Variants in MARK4 observed in about 807,000 individuals in gnomAD.
MARK4 encodes the protein MAP/microtubule affinity-regulating kinase 4.
In MARK4, 19 loss-of-function variants were observed where a neutral mutation model predicts 81.5. The ratio of observed to expected loss-of-function variants is 0.23; its 90% CI spans 0.16 to 0.34. The LOEUF is 0.34. MARK4 is among the 10% of genes least tolerant of loss of function. The probability of loss-of-function intolerance (pLI) is 1.00; values close to 1 mark genes in which losing one functional copy is unlikely to be tolerated. For missense variants in MARK4, 772 were observed against 1,058.8 expected, an observed-to-expected ratio of 0.73 and a Z score of 3.76; for synonymous variants, 436 against 439.0, an observed-to-expected ratio of 0.99 and a Z score of 0.08.
chr19:45,300,344 G>GAAAAAAAAAAAAAAA lies in MARK4; in HGVS notation c.1922+501_1922+515dup, dbSNP rs745730201. Among the ~76,000 whole-genome samples the GAAAAAAAAAAAAAAA allele has an allele frequency of 3.7e-4, 12 of 32,338 alleles. 1 individual carries two copies. Among genetic ancestry groups the GAAAAAAAAAAAAAAA allele is most frequent in the East Asian group, 1.9e-3 (1 of 524 alleles). The allele number at this position is 32,338 out of a possible 152,430, so 21.2% of individuals were successfully genotyped here. A position where few individuals can be genotyped will look rare whatever the true frequency, so the allele number is the denominator to read the frequency against. On this transcript the variant is annotated intron_variant, in intron 16 of 16. Coordinates refer to ENST00000262891, the MANE Select transcript of MARK4 (RefSeq NM_001199867.2). ...GGGTAGCAAGAGTGAAACTCCGTCT[G>GAAAAAAAAAAAAAAA]AAAAAAAAAAAAAAAAAAAAAAAAA...
At chr19:45,278,476 G>C in intron 9 of MARK4, 40 bp from the exon 10 acceptor site, 1 of 1,562,006 alleles carries the variant, frequency 6.4e-7, no homozygotes, top group Non-Finnish European at 8.8e-7. Context: ...GGTTCCTTCT[G>C]ACACCTGTCT....
chr19:45,297,048 CAAA>C (rs35511511), intron 14 of MARK4, among the ~76,000 whole-genome samples: 3 of 90,570 alleles, frequency 3.3e-5, no homozygotes, highest in Non-Finnish European at 4.6e-5. Flanking sequence ...GACTCTGTCT[CAAA>C]AAAAAAAAAA....
intron 2 of MARK4, among the ~76,000 whole-genome samples, chr19:45,260,620 C>G (rs1252952992): frequency 1.3e-5 from 2 of 152,056 alleles, no homozygotes; most frequent in Non-Finnish European, 2.9e-5. Flanking sequence ...TCACTGGAAC[C>G]CAGGAGGCGA....
intron 7 of MARK4, 39 bp downstream of exon 7, chr19:45,266,320 T>C: frequency 6.2e-7 from 1 of 1,600,142 alleles, no homozygotes; most frequent in Non-Finnish European, 8.6e-7. Context: ...GGACCACGGC[T>C]CAGCCCACAG....
Position 45,304,127 on chromosome 19 carries a change from A to G in MARK4, c.*1417A>G, listed in dbSNP as rs886164139. Reference sequence around the variant, plus strand: ...GTAGGTTTGATCCAGGCATCAGGCCATTGCATCTATTTTTTCAGTGTAAGT... The same window carrying G: ...GTAGGTTTGATCCAGGCATCAGGCCGTTGCATCTATTTTTTCAGTGTAAGT... On this transcript the variant is annotated 3_prime_UTR_variant, in exon 17 of 17. Transcript: ENST00000262891. The G allele has an allele frequency of 6.6e-6, 1 of 152,234 alleles. No homozygotes were observed. The highest frequency in any genetic ancestry group is 1.5e-5 in the Non-Finnish European group (1 of 68,040). 9.4% of individuals were successfully genotyped at this position (152,234 alleles called of 1,614,324 possible).
intron 13 of MARK4, among the ~76,000 whole-genome samples, chr19:45,290,884 G>A (rs1428495070): frequency 6.6e-6 from 1 of 152,198 alleles, no homozygotes; most frequent in Non-Finnish European, 1.5e-5. Context: ...GGAATGTTGT[G>A]AGGGAACCCC....
chr19:45,302,783 A>G lies in MARK4; in HGVS notation c.*73A>G, dbSNP rs570461502. The G allele has an allele frequency of 7.8e-5, 118 of 1,514,166 alleles. No homozygotes were observed. In the South Asian group the frequency reaches 1.3e-3, roughly 17 times the overall value. 93.8% of individuals were successfully genotyped at this position (1,514,166 alleles called of 1,614,324 possible). A position where few individuals can be genotyped will look rare whatever the true frequency, so the allele number is the denominator to read the frequency against. ...CACTTCTACAGGAGGGGAAGGGGCC[A>G]GGGAGGGGATTCTCCCTTTATCATC... On this transcript the variant is annotated 3_prime_UTR_variant, in exon 17 of 17. Coordinates refer to ENST00000262891, the MANE Select transcript of MARK4 (RefSeq NM_001199867.2). This position sits in a 1 kb window ranked among gnomAD's most constrained non-coding sequence, Gnocchi z 4.9.
rs200707452 is a variant in MARK4 at position 45,280,366 on chromosome 19, C to A, written c.1007-8C>A. 9 of 1,611,894 alleles carry A rather than the reference C, an allele frequency of 5.6e-6. No individual in the cohort carries two copies. Among genetic ancestry groups the A allele is most frequent in the South Asian group, 4.4e-5 (4 of 90,966 alleles). On this transcript the variant is annotated splice_polypyrimidine_tract_variant and splice_region_variant and intron_variant, in intron 10 of 16. Transcript: ENST00000262891. ...AGTCTGAAACTTCTCTCCATCCCCC[C>A]CTCCCAGAGGTGATGGTGGGTATGG... is the stretch of plus-strand genomic sequence containing the variant.
intron 7 of MARK4, 86 bp downstream of exon 7, chr19:45,266,367 G>C: frequency 7.5e-7 from 1 of 1,326,786 alleles, no homozygotes; most frequent in Non-Finnish European, 1.1e-6. Flanking sequence ...GGTTTCCGTG[G>C]CCTCCAGCAA....
At chr19:45,264,794 C>G in intron 5 of MARK4, 45 bp downstream of exon 5, 1 of 1,614,000 alleles carries the variant, frequency 6.2e-7, no homozygotes, top group Non-Finnish European at 8.5e-7. Context: ...CCACCTCCCC[C>G]TGCCGCTGCA....
At chr19:45,295,689 G>T (rs1970877991) in intron 14 of MARK4, among the ~76,000 whole-genome samples, 1 of 152,064 alleles carries the variant, frequency 6.6e-6, no homozygotes, top group Admixed American at 6.6e-5. Context: ...TGAGGCAGGA[G>T]AATCGCTTGA....
chr19:45,266,819 G>T (rs553547999), intron 7 of MARK4, among the ~76,000 whole-genome samples: 2,334 of 146,092 alleles, frequency 0.016, 78 homozygotes, highest in African/African-American at 0.057. Context: ...TGCAAGCTCC[G>T]CCTCCTGGGT....
Position 45,277,994 on chromosome 19 carries a change from C to T in MARK4, c.858C>T (p.Ile286=), listed in dbSNP as rs55643304. The change falls in exon 9 of 17, where the codon ATC becomes ATT. Residue 286 remains isoleucine, a synonymous_variant. Coordinates refer to ENST00000262891, the MANE Select transcript of MARK4 (RefSeq NM_001199867.2). Reference sequence around the variant, plus strand: ...ACATGTCAACAGACTGTGAGAGCATCCTGCGGAGATTTTTGGTGCTGAACC... The same window carrying T: ...ACATGTCAACAGACTGTGAGAGCATTCTGCGGAGATTTTTGGTGCTGAACC... The part of the protein sequence containing the change: ...PFYMSTDCES[I]LRRFLVLNPA... 1.9e-6 allele frequency: 3 copies of T among 1,613,938 alleles called. No individual in the cohort carries two copies.
intron 12 of MARK4, among the ~76,000 whole-genome samples, chr19:45,282,522 G>A (rs183177587): frequency 4.0e-5 from 6 of 151,026 alleles, no homozygotes; most frequent in South Asian, 2.1e-4. Context: ...GCAAGACCCC[G>A]TCTCTACAAA....
intron 12 of MARK4, among the ~76,000 whole-genome samples, chr19:45,281,367 C>T (rs111744535): frequency 6.2e-4 from 82 of 132,046 alleles, no homozygotes; most frequent in African/African-American, 1.7e-3. Context: ...TCTTTTCTTT[C>T]TTTTTTTTTT....
At chr19:45,291,578 C>G (rs1006488495) in intron 13 of MARK4, among the ~76,000 whole-genome samples, 2 of 152,048 alleles carry the variant, frequency 1.3e-5, no homozygotes, top group Non-Finnish European at 2.9e-5. Context: ...GTCAGGAGAT[C>G]GAGACCATCC....
chr19:45,274,261 C>CA (rs1970570730), intron 8 of MARK4, among the ~76,000 whole-genome samples: 1 of 151,618 alleles, frequency 6.6e-6, no homozygotes, highest in Non-Finnish European at 1.5e-5. Context: ...AACAAACAAA[C>CA]AAAAAAGATG....
chr19:45,288,900 C>A (rs1970785182), intron 13 of MARK4, among the ~76,000 whole-genome samples: 1 of 151,406 alleles, frequency 6.6e-6, no homozygotes. Context: ...TCCCCAGCTC[C>A]TCAGCTCTTC....
intron 8 of MARK4, 96 bp from the exon 9 acceptor site, chr19:45,277,827 G>A: frequency 5.7e-6 from 1 of 175,854 alleles, no homozygotes; most frequent in Non-Finnish European, 7.8e-6. Context: ...CAAAGGTTGT[G>A]TGTGTGTGTG....
Sources: allele counts gnomAD v4.1 joint callset (sites outside exome capture counted in the v4.1 genomes callset), GRCh38; gene constraint gnomAD v4.1.1; non-coding constraint Gnocchi (gnomAD v3.1); transcripts MANE v1.5; gene names NCBI Gene and HGNC (gene_info 2026-07-23, HGNC 2026-07-21).